TANGO2: variants seen among roughly 807,000 people sequenced by gnomAD.
TANGO2 encodes the protein transport and golgi organization 2 homolog, also known as transport and Golgi organization protein 2 homolog.
A neutral mutation model predicts 39.1 loss-of-function variants in TANGO2; 26 were observed. The observed-to-expected ratio is 0.67, with a 90% CI of 0.49 to 0.92. The LOEUF is 0.92. TANGO2 is among the 40% of genes least tolerant of loss of function. TANGO2 has a pLI of 0.00. For missense variants in TANGO2, 326 were observed against 360.1 expected, an observed-to-expected ratio of 0.91 and a Z score of 0.77; for synonymous variants, 131 against 144.5, an observed-to-expected ratio of 0.91 and a Z score of 0.67.
chr22:20,036,798 C>T lies in TANGO2; in HGVS notation c.-1C>T. 6.2e-7 allele frequency: 1 copy of T among 1,614,240 alleles called. No homozygotes were observed. Among genetic ancestry groups the T allele is most frequent in the Non-Finnish European group, 8.5e-7 (1 of 1,180,040 alleles). Reference sequence around the variant, plus strand: ...TGTCAGCAGAGCCGCCCTGCACCACCATGTGCATCATCTTCTTTAAGTTTG... The same window carrying T: ...TGTCAGCAGAGCCGCCCTGCACCACTATGTGCATCATCTTCTTTAAGTTTG... On this transcript the variant is annotated 5_prime_UTR_variant, in exon 2 of 9. Transcript: ENST00000327374.
chr22:20,063,233 G>C, intron 7 of TANGO2, 105 bp from the exon 8 acceptor site: 1 of 827,006 alleles, frequency 1.2e-6, no homozygotes, highest in Admixed American at 2.2e-5. Context: ...GCAGTTCCCC[G>C]GCCACTCCCC....
intron 2 of TANGO2, among the ~76,000 whole-genome samples, chr22:20,037,967 T>C (rs2043181317): frequency 6.6e-6 from 1 of 152,156 alleles, no homozygotes; most frequent in Admixed American, 6.5e-5. Flanking sequence ...TGGGCGCCTG[T>C]AGTCCCAGCC....
intron 3 of TANGO2, among the ~76,000 whole-genome samples, chr22:20,051,369 T>G (rs2046321890): frequency 6.6e-6 from 1 of 151,052 alleles, no homozygotes; most frequent in Admixed American, 6.6e-5. Context: ...CCGTTTCTAC[T>G]AAAAATACAA....
chr22:20,017,185 G>C (rs1031086100), upstream of TANGO2: 1 of 152,342 alleles, frequency 6.6e-6, no homozygotes, highest in Non-Finnish European at 1.5e-5. Context: ...ACCACTCCCA[G>C]TTCACAGGTA....
At chr22:20,031,408 C>T (rs2041842423) in intron 1 of TANGO2, among the ~76,000 whole-genome samples, 1 of 152,206 alleles carries the variant, frequency 6.6e-6, no homozygotes, top group African/African-American at 2.4e-5. Flanking sequence ...TCAGGAACCT[C>T]ACCACCATGC....
chr22:20,026,374 G>A (rs1332609453), intron 1 of TANGO2, among the ~76,000 whole-genome samples: 1 of 149,802 alleles, frequency 6.7e-6, no homozygotes, highest in African/African-American at 2.5e-5. Flanking sequence ...CTCCAGCCTG[G>A]GCGACATAGC....
chr22:20,045,272 C>CAAAA (rs695778), intron 3 of TANGO2, among the ~76,000 whole-genome samples: 3 of 121,252 alleles, frequency 2.5e-5, no homozygotes, highest in Non-Finnish European at 1.8e-5. Flanking sequence ...CCTGTCTTTA[C>CAAAA]AAAAAAAAAA....
chr22:20,032,854 C>T (rs542734239), intron 1 of TANGO2, among the ~76,000 whole-genome samples: 12 of 152,320 alleles, frequency 7.9e-5, no homozygotes, highest in South Asian at 4.1e-4. Context: ...ACATGCCCTG[C>T]GCCCAGATCA....
Position 20,053,876 on chromosome 22 carries a change from G to A in TANGO2, c.380+325G>A, listed in dbSNP as rs142088446. On this transcript the variant is annotated intron_variant, in intron 5 of 8. Coordinates refer to ENST00000327374, the MANE Select transcript of TANGO2 (RefSeq NM_152906.7). Reference sequence around the variant, plus strand: ...GGCAGGCTGTGCAGAGCAGCCCTCCGCAGCCCTGGCTTGGAGTGACTGGGA... The same window carrying A: ...GGCAGGCTGTGCAGAGCAGCCCTCCACAGCCCTGGCTTGGAGTGACTGGGA... 29 of 403,056 alleles carry A rather than the reference G, an allele frequency of 7.2e-5. 1 individual carries two copies. The highest frequency in any genetic ancestry group is 4.0e-4 in the Admixed American group (14 of 35,324). The allele number at this position is 403,056 out of a possible 1,614,324, so 25.0% of individuals were successfully genotyped here.
chr22:20,019,257 T>A (rs554359987), upstream of TANGO2: 1 of 152,196 alleles, frequency 6.6e-6, no homozygotes, highest in African/African-American at 2.4e-5. Context: ...CAAGAACTTT[T>A]CAAGAGTGGC....
intron 3 of TANGO2, 45 bp downstream of exon 3, chr22:20,043,488 C>T: frequency 7.1e-7 from 1 of 1,409,710 alleles, no homozygotes; most frequent in South Asian, 1.2e-5. Flanking sequence ...CTTGTTGCTT[C>T]CCTAGCCCCT....
intron 6 of TANGO2, among the ~76,000 whole-genome samples, chr22:20,059,130 T>C (rs1304964767): frequency 6.6e-6 from 1 of 151,982 alleles, no homozygotes; most frequent in Non-Finnish European, 1.5e-5. Flanking sequence ...CTGTCAAGAG[T>C]TAGGAGGGTC....
At position 20,063,283 on chromosome 22, in the gene TANGO2, G is replaced by A. The variant is rs879000825; in HGVS notation, c.606-55G>A. ...CACCAGGTGGGCTGGGGCTAGACCC[G>A]GCTGCGGGCGGGCCACAGAGGGACT... On this transcript the variant is annotated intron_variant, in intron 7 of 8. Transcript: ENST00000327374. 2.1e-5 allele frequency: 33 copies of A among 1,556,982 alleles called. No individual in the cohort carries two copies. The South Asian group carries it at 2.6e-4, about 12-fold the overall frequency.
At chr22:20,059,777 AG>A (rs1199823288) in intron 6 of TANGO2, among the ~76,000 whole-genome samples, 9 of 152,206 alleles carry the variant, frequency 5.9e-5, no homozygotes, top group Admixed American at 2.6e-4. Flanking sequence ...TAAAGCACAA[AG>A]CTTAAAATTT....
At chr22:20,020,508 T>TG (rs985547983), upstream of TANGO2, among the ~76,000 whole-genome samples, 2 of 104,286 alleles carry the variant, frequency 1.9e-5, no homozygotes, top group African/African-American at 3.7e-5. Context: ...AAGGCTACAC[T>TG]GGGGGGTGGA....
chr22:20,057,020 A>T lies in TANGO2; in HGVS notation c.451+1007A>T, dbSNP rs1250046965. On this transcript the variant is annotated intron_variant, in intron 6 of 8. Coordinates refer to ENST00000327374, the MANE Select transcript of TANGO2 (RefSeq NM_152906.7). The surrounding 1 kb of genome is among the most constrained non-coding windows in gnomAD (Gnocchi z 4.1). ...ACACCCCTGGCTCCTCTGAAGCTCC[A>T]TGCCCACGTCACACAGACTTTCTTT... is the stretch of plus-strand genomic sequence containing the variant. The T allele has an allele frequency of 2.2e-6, 1 of 450,446 alleles. No individual in the cohort carries two copies. Among genetic ancestry groups the T allele is most frequent in the South Asian group, 1.6e-5 (1 of 64,358 alleles). 27.9% of individuals were successfully genotyped at this position (450,446 alleles called of 1,614,324 possible). A position where few individuals can be genotyped will look rare whatever the true frequency, so the allele number is the denominator to read the frequency against.
At chr22:20,027,508 C>T (rs2040999062) in intron 1 of TANGO2, among the ~76,000 whole-genome samples, 1 of 152,212 alleles carries the variant, frequency 6.6e-6, no homozygotes, top group Admixed American at 6.5e-5. Flanking sequence ...CAATGGGACC[C>T]TAGCGTGTTA....
intron 3 of TANGO2, among the ~76,000 whole-genome samples, chr22:20,049,585 G>A (rs138276244): frequency 0.01 from 1,551 of 151,750 alleles, 31 homozygotes; most frequent in African/African-American, 0.035. Context: ...ACTTGAACCC[G>A]GGAGGCGGAG....
chr22:20,062,971 T>C (rs1200262289), intron 7 of TANGO2: 2 of 200,276 alleles, frequency 1.0e-5, no homozygotes, highest in Admixed American at 5.9e-5. Flanking sequence ...AAACACAAAA[T>C]TAGATGGCTG....
Sources: gnomAD v4.1 joint callset for allele counts (sites outside exome capture counted in the v4.1 genomes callset) on GRCh38, gnomAD v4.1.1 for gene constraint, Gnocchi (gnomAD v3.1) non-coding constraint, MANE v1.5 for transcripts, NCBI Gene and HGNC (gene_info 2026-07-23, HGNC 2026-07-21) for gene names.